ESRP1: variants seen among roughly 807,000 people sequenced by gnomAD.
ESRP1 encodes the protein epithelial splicing regulatory protein 1.
Under a neutral mutation model 81.7 loss-of-function variants are expected in ESRP1, and 33 were observed. That is an observed-to-expected ratio of 0.40 (90% CI 0.31 to 0.54). The LOEUF is 0.54. ESRP1 is among the 20% of genes least tolerant of loss of function. ESRP1 has a pLI of 0.41. For synonymous variants in ESRP1, 320 were observed against 303.3 expected (o/e 1.06, Z -0.57); for missense variants, 672 against 833.1 (o/e 0.81, Z 2.38).
At position 94,674,352 on chromosome 8, in the gene ESRP1, C is replaced by T; in HGVS notation, c.1497C>T (p.Asp499=). 6.2e-7 allele frequency: 1 copy of T among 1,613,884 alleles called. No homozygotes were observed. Among genetic ancestry groups the T allele is most frequent in the Non-Finnish European group, 8.5e-7 (1 of 1,179,882 alleles). Residue 499 remains aspartate (D), a synonymous_variant, in exon 12 of 16, where the codon GAC becomes GAT. Transcript: ENST00000433389. ...CCTTTATCCAGATGAAGTCTGCGGACAGAGCATTTATGGCTGCACAGAAGT... is the reference window on the plus strand; with the variant it reads ...CCTTTATCCAGATGAAGTCTGCGGATAGAGCATTTATGGCTGCACAGAAGT... ...GDAFIQMKSA[D]RAFMAAQKCH...
chr8:94,671,779 TTA>T, intron 11 of ESRP1, 108 bp downstream of exon 11: 1 of 686,860 alleles, frequency 1.5e-6, no homozygotes. Flanking sequence ...ATATTAGATA[TTA>T]GTCTTTGATA....
In ESRP1 at chr8:94,662,290, G is replaced by A. The variant is rs776516284; in HGVS notation, c.509G>A (p.Ser170Asn). The change falls in exon 5 of 16, where the codon AGT becomes AAT. Residue 170 changes from serine to asparagine, a missense_variant. Ser to Asn is a conservative substitution (Grantham distance 46). Transcript: ENST00000433389. The part of the protein sequence containing the change: ...TMTEYLNFEK[S>N]SSVSRYGASQ... ...CTCACAGATTTAAATTTTGAGAAGA[G>A]TAGTTCAGTCTCTCGATATGGAGCC... The A allele has an allele frequency of 8.3e-6, 13 of 1,574,098 alleles. No homozygotes were observed. Among genetic ancestry groups the A allele is most frequent in the African/African-American group, 5.4e-5 (4 of 74,456 alleles).
chr8:94,656,087 G>T (rs62523418), intron 4 of ESRP1: 17,168 of 151,262 alleles, frequency 0.11, 1,216 homozygotes, highest in Admixed American at 0.17. Flanking sequence ...CTAAGGTGGG[G>T]TGAACTGTCC....
intron 15 of ESRP1, among the ~76,000 whole-genome samples, chr8:94,702,056 C>T (rs535559405): frequency 6.6e-5 from 10 of 152,222 alleles, no homozygotes; most frequent in East Asian, 3.9e-4. Flanking sequence ...CCAGCCTGGA[C>T]GACAGAGCGA....
intron 10 of ESRP1, 71 bp from the exon 11 acceptor site, chr8:94,671,382 G>T (rs1242449925): frequency 6.1e-6 from 8 of 1,310,668 alleles, no homozygotes; most frequent in African/African-American, 1.5e-5. Context: ...TCCCAGTGAT[G>T]CCATTGCTGA....
At chr8:94,705,795 C>A (rs1466957858) in intron 15 of ESRP1, 130 bp from the exon 16 acceptor site, 1 of 781,380 alleles carries the variant, frequency 1.3e-6, no homozygotes, top group African/African-American at 1.8e-5. Context: ...GAAATAATAA[C>A]TTGGACCATC....
chr8:94,650,246 ATTTT>A (rs1339290925), intron 4 of ESRP1, among the ~76,000 whole-genome samples: 1 of 102,736 alleles, frequency 9.7e-6, no homozygotes, highest in African/African-American at 3.0e-5. Flanking sequence ...ATAGTATAGA[ATTTT>A]TTTGTTTGTT....
chr8:94,644,345 AT>A (rs2130529432), intron 3 of ESRP1, among the ~76,000 whole-genome samples: 1 of 152,270 alleles, frequency 6.6e-6, no homozygotes, highest in South Asian at 2.1e-4. Flanking sequence ...AAGGCTTGCA[AT>A]GAAAGATGTA....
chr8:94,645,037 C>A (rs996023157), intron 3 of ESRP1, among the ~76,000 whole-genome samples: 1 of 152,106 alleles, frequency 6.6e-6, no homozygotes, highest in Non-Finnish European at 1.5e-5. Context: ...TAAATGGACA[C>A]AACAATTTAA....
At chr8:94,650,352 C>T (rs7010737) in intron 4 of ESRP1, among the ~76,000 whole-genome samples, 20,642 of 151,950 alleles carry the variant, frequency 0.14, 1,759 homozygotes, top group Non-Finnish European at 0.19. Flanking sequence ...GCCAATCATT[C>T]CTCCCTCTCC....
At chr8:94,683,510 G>C (rs1370839457) in intron 13 of ESRP1, among the ~76,000 whole-genome samples, 1 of 152,106 alleles carries the variant, frequency 6.6e-6, no homozygotes, top group African/African-American at 2.4e-5. Context: ...TATCCCAATG[G>C]TAACATATGG....
intron 13 of ESRP1, among the ~76,000 whole-genome samples, chr8:94,679,749 T>C (rs1288785028): frequency 6.6e-6 from 1 of 152,132 alleles, no homozygotes; most frequent in African/African-American, 2.4e-5. Flanking sequence ...AAGACTCCCA[T>C]TTTATACACC....
At chr8:94,675,596 T>TA (rs1275362669) in intron 12 of ESRP1, among the ~76,000 whole-genome samples, 1 of 152,214 alleles carries the variant, frequency 6.6e-6, no homozygotes, top group East Asian at 1.9e-4. Context: ...TAAGAGATCT[T>TA]ACAGTAATCT....
intron 6 of ESRP1, 111 bp from the exon 7 acceptor site, chr8:94,664,586 T>C (rs1818923389): frequency 2.6e-6 from 2 of 763,174 alleles, no homozygotes; most frequent in South Asian, 3.3e-5. Flanking sequence ...CTAGTCTGTC[T>C]GAACACCAAA....
rs143972225 is a variant in ESRP1 at position 94,657,472 on chromosome 8, C to CATGTGT, written c.491-4800_491-4799insATGTGT. Among the ~76,000 whole-genome samples the CATGTGT allele has an allele frequency of 3.4e-4, 49 of 146,268 alleles. No individual in the cohort carries two copies. The East Asian group carries it at 5.7e-3, about 17-fold the overall frequency. ...GAAACTGGCCTATTGAGGCTGTGTG[C>CATGTGT]GTGTGTGTGTGTGTGTGTGTGTGTG... On this transcript the variant is annotated intron_variant, in intron 4 of 15. Coordinates refer to ENST00000433389, the MANE Select transcript of ESRP1 (RefSeq NM_017697.4).
At chr8:94,654,611 A>T (rs1818308084) in intron 4 of ESRP1, among the ~76,000 whole-genome samples, 1 of 151,948 alleles carries the variant, frequency 6.6e-6, no homozygotes, top group Non-Finnish European at 1.5e-5. Context: ...TTAGGTAGGG[A>T]TCTTATTTTT....
chr8:94,689,581 A>C (rs1442885240), intron 13 of ESRP1, among the ~76,000 whole-genome samples: 1 of 151,744 alleles, frequency 6.6e-6, no homozygotes, highest in African/African-American at 2.4e-5. Context: ...TTATCTTGCC[A>C]TTTTTATAAT....
intron 14 of ESRP1, among the ~76,000 whole-genome samples, chr8:94,693,800 G>C (rs1385181038): frequency 1.3e-5 from 2 of 152,172 alleles, no homozygotes; most frequent in Non-Finnish European, 2.9e-5. Context: ...TGTGAGTCAT[G>C]GAGGACTGTG....
rs1818799577 is a variant in ESRP1 at position 94,662,520 on chromosome 8, A to T, written c.609A>T (p.Pro203=). 4.3e-6 allele frequency: 7 copies of T among 1,609,324 alleles called. 1 individual carries two copies. Among genetic ancestry groups the T allele is most frequent in the South Asian group, 2.2e-5 (2 of 90,018 alleles). The stretch of plus-strand genomic sequence containing the variant: ...TTTTAGATCACAGGTTTTCAGATCC[A>T]GAGAGAGTGAATTACAAGTTTGAAA... ...SEPYNHRFSD[P]ERVNYKFESG... The change falls in exon 6 of 16, where the codon CCA becomes CCT. Residue 203 remains proline, a synonymous_variant. Transcript: ENST00000433389.
Sources: allele counts gnomAD v4.1 joint callset (sites outside exome capture counted in the v4.1 genomes callset), GRCh38; gene constraint gnomAD v4.1.1; transcripts MANE v1.5; gene names NCBI Gene and HGNC (gene_info 2026-07-23, HGNC 2026-07-21).